Variants in TTC39C observed in about 807,000 individuals in gnomAD.
TTC39C encodes the protein tetratricopeptide repeat domain 39C.
Under a neutral mutation model 76.3 loss-of-function variants are expected in TTC39C, and 33 were observed. That is an observed-to-expected ratio of 0.43 (90% CI 0.33 to 0.58). The LOEUF is 0.58. TTC39C is among the 20% of genes least tolerant of loss of function. TTC39C has a pLI of 0.04. For synonymous variants in TTC39C, 254 were observed against 260.6 expected, an observed-to-expected ratio of 0.97 and a Z score of 0.24; for missense variants, 595 against 701.4, an observed-to-expected ratio of 0.85 and a Z score of 1.71.
At chr18:23,994,016 G>A (rs978966896) in intron 1 of TTC39C, among the ~76,000 whole-genome samples, 1 of 152,130 alleles carries the variant, frequency 6.6e-6, no homozygotes, top group African/African-American at 2.4e-5. Context: ...GATTCAGCTG[G>A]AGAAGTTCAT....
At chr18:24,044,091 T>TGTGTGTGTGTGTGTG (rs1475127212) in intron 1 of TTC39C, among the ~76,000 whole-genome samples, 1 of 138,224 alleles carries the variant, frequency 7.2e-6, no homozygotes, top group African/African-American at 2.6e-5. Context: ...TGTGTGTGTG[T>TGTGTGTGTGTGTGTG]TTAATAACCA....
intron 1 of TTC39C, chr18:24,000,546 C>T (rs749730392): frequency 1.3e-5 from 2 of 152,214 alleles, no homozygotes; most frequent in Non-Finnish European, 2.9e-5. Flanking sequence ...TTAATAGCAG[C>T]CCCAGCAAAT....
At chr18:24,045,265 T>G in intron 1 of TTC39C, among the ~76,000 whole-genome samples, 1 of 576 alleles carries the variant, frequency 1.7e-3, no homozygotes, top group Non-Finnish European at 7.4e-3. Context: ...TAAGACTCTG[T>G]CTCCAAAAAA....
intron 11 of TTC39C, among the ~76,000 whole-genome samples, chr18:24,129,616 A>G (rs935651668): frequency 2.0e-5 from 3 of 151,928 alleles, no homozygotes; most frequent in African/African-American, 7.3e-5. Flanking sequence ...TCTACTGAAA[A>G]TACAAAAATT....
Position 24,114,627 on chromosome 18 carries a change from A to G in TTC39C, c.1058A>G (p.His353Arg), listed in dbSNP as rs1568442908. 6.2e-7 allele frequency: 1 copy of G among 1,613,562 alleles called. No individual in the cohort carries two copies. Residue 353 changes from histidine to arginine, a missense_variant, in exon 7 of 14, where the codon CAT (histidine) becomes CGT (arginine). Coordinates refer to ENST00000317571, the MANE Select transcript of TTC39C (RefSeq NM_001135993.2). ...GCAGTAGACCAGAGAGAAATTCAAC[A>G]TGTCTGTCTGTATGAAATTGGTAAA... ...ELAVDQREIQ[H>R]VCLYEIGWCS...
chr18:24,089,181 C>T (rs1172289566), intron 6 of TTC39C, among the ~76,000 whole-genome samples: 1 of 152,176 alleles, frequency 6.6e-6, no homozygotes, highest in Non-Finnish European at 1.5e-5. Context: ...TGCAGAAGGG[C>T]CTGTGCTGTC....
chr18:24,042,652 A>G (rs2083810453), intron 1 of TTC39C, among the ~76,000 whole-genome samples: 1 of 152,062 alleles, frequency 6.6e-6, no homozygotes, highest in Non-Finnish European at 1.5e-5. Flanking sequence ...TAGTTGTGGA[A>G]TTGTTTTGTC....
intron 6 of TTC39C, among the ~76,000 whole-genome samples, chr18:24,095,098 C>CT (rs764660590): frequency 1.4e-4 from 22 of 152,148 alleles, no homozygotes; most frequent in Non-Finnish European, 2.5e-4. Context: ...CTTGCTATGG[C>CT]TTCTCCATCA....
chr18:24,080,900 A>G lies in TTC39C; in HGVS notation c.776A>G (p.Tyr259Cys), dbSNP rs369896831. The G allele has an allele frequency of 1.9e-6, 3 of 1,613,888 alleles. No individual in the cohort carries two copies. The highest frequency in any genetic ancestry group is 1.3e-5 in the African/African-American group (1 of 74,918). The change falls in exon 5 of 14, where the codon TAT becomes TGT. Residue 259 changes from tyrosine to cysteine, a missense_variant. Tyr to Cys is a radical substitution (Grantham distance 194). Transcript: ENST00000317571. ...DRLQGLSSLM[Y>C]ASESKDMKAP... ...CTACAGGGGCTTTCTTCACTGATGTATGCAAGCGAAAGTAAGGACATGAAG... is the reference window on the plus strand; with the variant it reads ...CTACAGGGGCTTTCTTCACTGATGTGTGCAAGCGAAAGTAAGGACATGAAG...
rs2083456989 is a variant in TTC39C, at chr18:24,016,577, C to T, written c.167+1539C>T. ...ATTTATTTTAATGGTCTTTTTTAAC[C>T]CTTCTTTAGTAGGCGAAAATACTAC... On this transcript the variant is annotated intron_variant, in intron 1 of 13. Coordinates refer to ENST00000317571, the MANE Select transcript of TTC39C (RefSeq NM_001135993.2). 6 of 397,022 alleles carry T rather than the reference C, an allele frequency of 1.5e-5. No homozygotes were observed. The South Asian group carries it at 5.3e-4, about 35-fold the overall frequency. The allele number at this position is 397,022 out of a possible 1,614,324, so 24.6% of individuals were successfully genotyped here. A position where few individuals can be genotyped will look rare whatever the true frequency, so the allele number is the denominator to read the frequency against.
At chr18:24,068,901 G>A (rs570719553) in intron 3 of TTC39C, among the ~76,000 whole-genome samples, 8 of 152,182 alleles carry the variant, frequency 5.3e-5, no homozygotes, top group East Asian at 3.9e-4. Flanking sequence ...GTTGCTTTTC[G>A]TATTTCCCAT....
At chr18:24,100,455 T>TC (rs2084661465) in intron 6 of TTC39C, among the ~76,000 whole-genome samples, 2 of 152,216 alleles carry the variant, frequency 1.3e-5, no homozygotes, top group Non-Finnish European at 2.9e-5. Context: ...CCCAGTGGTA[T>TC]CTTGGCCCAG....
chr18:24,058,647 C>CA (rs960554443), intron 1 of TTC39C, among the ~76,000 whole-genome samples: 12 of 145,604 alleles, frequency 8.2e-5, no homozygotes, highest in East Asian at 2.0e-4. Flanking sequence ...GACTCTGTCT[C>CA]AAAAAAAAAA....
chr18:24,009,894 G>T (rs11875310), upstream of TTC39C, among the ~76,000 whole-genome samples: 9,409 of 152,286 alleles, frequency 0.062, 817 homozygotes, highest in African/African-American at 0.19. Context: ...CATGGTAACT[G>T]CTGTGGTTTC....
At chr18:24,009,519 G>C (rs1041588117) in intron 1 of TTC39C, among the ~76,000 whole-genome samples, 2 of 152,184 alleles carry the variant, frequency 1.3e-5, no homozygotes, top group Non-Finnish European at 2.9e-5. Context: ...AGGGAGGGAT[G>C]GTAGATCCAG....
At chr18:24,007,534 C>A (rs1407744825) in intron 1 of TTC39C, among the ~76,000 whole-genome samples, 2 of 152,102 alleles carry the variant, frequency 1.3e-5, no homozygotes, top group Non-Finnish European at 2.9e-5. Context: ...CAGATGGGTG[C>A]CACCAGGCCT....
At chr18:24,078,361 C>T (rs1277165986) in intron 4 of TTC39C, among the ~76,000 whole-genome samples, 2 of 152,232 alleles carry the variant, frequency 1.3e-5, no homozygotes, top group East Asian at 1.9e-4. Flanking sequence ...TGATGACTTA[C>T]ATTCAAGACT....
chr18:24,032,635 A>G (rs1459045918), intron 1 of TTC39C, among the ~76,000 whole-genome samples: 1 of 152,210 alleles, frequency 6.6e-6, no homozygotes, highest in Non-Finnish European at 1.5e-5. Flanking sequence ...TTTTGACTGC[A>G]TTTTGACTGT....
At chr18:24,026,186 G>T (rs780620524) in intron 1 of TTC39C, among the ~76,000 whole-genome samples, 2 of 152,164 alleles carry the variant, frequency 1.3e-5, no homozygotes, top group Non-Finnish European at 2.9e-5. Flanking sequence ...CAGCCACCAG[G>T]TGACTTTATT....
Sources: gnomAD v4.1 joint callset for allele counts (sites outside exome capture counted in the v4.1 genomes callset) on GRCh38, gnomAD v4.1.1 for gene constraint, MANE v1.5 for transcripts, NCBI Gene and HGNC (gene_info 2026-07-23, HGNC 2026-07-21) for gene names.